GRIN2A: variants seen among roughly 807,000 people sequenced by gnomAD.
GRIN2A encodes the protein glutamate receptor ionotropic, NMDA 2A.
A neutral mutation model predicts 113.4 loss-of-function variants in GRIN2A; 22 were observed. The observed-to-expected ratio is 0.19, with a 90% CI of 0.14 to 0.28. GRIN2A has a LOEUF of 0.28. GRIN2A is among the 10% of genes least tolerant of loss of function. The pLI is 1.00. For synonymous variants in GRIN2A, 827 were observed against 738.4 expected (o/e 1.12, Z -1.94); for missense variants, 1,502 against 1,887.0 (o/e 0.80, Z 3.78).
chr16:9,872,696 C>G (rs1463182330), intron 4 of GRIN2A, among the ~76,000 whole-genome samples: 2 of 151,984 alleles, frequency 1.3e-5, no homozygotes, highest in Non-Finnish European at 2.9e-5. Flanking sequence ...AACTGGAGGC[C>G]ATGATCATAA....
chr16:10,067,056 A>G (rs2047663901), intron 2 of GRIN2A, among the ~76,000 whole-genome samples: 1 of 152,250 alleles, frequency 6.6e-6, no homozygotes, highest in South Asian at 2.1e-4. Flanking sequence ...CCCTACCTCT[A>G]ACTGGATCCC....
chr16:10,087,359 G>A (rs1018598784), intron 2 of GRIN2A, among the ~76,000 whole-genome samples: 8 of 152,234 alleles, frequency 5.3e-5, no homozygotes, highest in African/African-American at 1.9e-4. Context: ...CTGGGAGCCA[G>A]CGGAATGTAA....
At chr16:10,170,110 G>A (rs1475273887) in intron 2 of GRIN2A, among the ~76,000 whole-genome samples, 1 of 152,196 alleles carries the variant, frequency 6.6e-6, no homozygotes, top group African/African-American at 2.4e-5. Flanking sequence ...AATGCATGCT[G>A]TCTAAAGACA....
At position 10,098,092 on chromosome 16, in the gene GRIN2A, GA is replaced by G. The variant is rs558416843; in HGVS notation, c.414+81905del. ...ACAAGGAACTCAAACAAATTAGCAAGAAAAAAAAACAATTAGCAAACAAATT... is the reference window on the plus strand; with the variant it reads ...ACAAGGAACTCAAACAAATTAGCAAGAAAAAAAACAATTAGCAAACAAATT... On this transcript the variant is annotated intron_variant, in intron 2 of 12. Transcript: ENST00000330684. Among the ~76,000 whole-genome samples the G allele has an allele frequency of 6.0e-5, 9 of 150,062 alleles. No homozygotes were observed. The South Asian group carries it at 6.3e-4, about 10-fold the overall frequency.
chr16:9,768,929 G>T lies in GRIN2A; in HGVS notation c.2517C>A (p.His839Gln), dbSNP rs769482103. ...AGAAGCGCAGCTTCCAGTAGAAGAG[G>T]TGCTCCCAGATGAAGGTGATGAGGC... ...ALSLITFIWE[H>Q]LFYWKLRFCF... The change falls in exon 12 of 13, where the codon CAC becomes CAA. Residue 839 changes from histidine to glutamine, a missense_variant. This residue lies in a region of GRIN2A where 101 missense variants were observed against 240.4 expected (regional missense o/e 0.42). Transcript: ENST00000330684. 1.2e-6 allele frequency: 2 copies of T among 1,614,196 alleles called. No homozygotes were observed. Among genetic ancestry groups the T allele is most frequent in the Non-Finnish European group, 1.7e-6 (2 of 1,179,996 alleles).
chr16:10,037,441 G>T (rs187481030), intron 2 of GRIN2A: 2 of 152,170 alleles, frequency 1.3e-5, no homozygotes, highest in Non-Finnish European at 2.9e-5. Flanking sequence ...ACCCTCCACC[G>T]CACCCGACAT....
intron 2 of GRIN2A, among the ~76,000 whole-genome samples, chr16:9,990,472 C>T (rs1444359545): frequency 6.6e-6 from 1 of 151,954 alleles, no homozygotes; most frequent in Non-Finnish European, 1.5e-5. Flanking sequence ...ACATTAGAGG[C>T]TCAAACTTCA....
In GRIN2A at chr16:10,120,701, A is replaced by G. The variant is rs561660825; in HGVS notation, c.414+59297T>C. 4.7e-4 allele frequency among the ~76,000 whole-genome samples: 71 copies of G among 152,284 alleles called. 1 individual carries two copies. Among genetic ancestry groups the G allele is most frequent in the South Asian group, 1.5e-3 (7 of 4,814 alleles). ...ATCTTCTCTCTGGAAGACACCTGCA[A>G]TCTCTTTGTTTCCTTTCTTATATTA... On this transcript the variant is annotated intron_variant, in intron 2 of 12. Coordinates refer to ENST00000330684, the MANE Select transcript of GRIN2A (RefSeq NM_001134407.3).
chr16:10,055,076 AAAAAAAAAAGAAAAAAG>A (rs2047428233), intron 2 of GRIN2A, among the ~76,000 whole-genome samples: 1 of 80,152 alleles, frequency 1.2e-5, no homozygotes, highest in African/African-American at 6.3e-5. Flanking sequence ...AAAAAAAAAA[AAAAAAAAAAGAAAAAAG>A]AAAGAAAGAA....
intron 2 of GRIN2A, among the ~76,000 whole-genome samples, chr16:9,999,618 A>T (rs2046287027): frequency 1.3e-5 from 2 of 152,154 alleles, no homozygotes; most frequent in South Asian, 4.1e-4. Context: ...GAGGGATAGC[A>T]TTAGGAGAAA....
At chr16:9,781,348 C>T (rs548358702) in intron 11 of GRIN2A, among the ~76,000 whole-genome samples, 1 of 152,254 alleles carries the variant, frequency 6.6e-6, no homozygotes. Context: ...ATTACTATTA[C>T]TTTAGATGGA....
At chr16:9,984,074 T>C (rs1015762738) in intron 2 of GRIN2A, among the ~76,000 whole-genome samples, 1 of 152,236 alleles carries the variant, frequency 6.6e-6, no homozygotes, top group Admixed American at 6.5e-5. Flanking sequence ...TTTGTATTTT[T>C]GATAATATCT....
intron 3 of GRIN2A, among the ~76,000 whole-genome samples, chr16:9,930,497 A>G (rs961866794): frequency 1.3e-5 from 2 of 152,136 alleles, no homozygotes; most frequent in African/African-American, 4.8e-5. Flanking sequence ...ATTTACTTTG[A>G]GACTCAGCTG....
intron 2 of GRIN2A, among the ~76,000 whole-genome samples, chr16:10,021,286 T>C (rs1163259655): frequency 6.6e-6 from 1 of 152,174 alleles, no homozygotes; most frequent in Non-Finnish European, 1.5e-5. Context: ...TGAACATCTA[T>C]GTTGTGTCAG....
intron 2 of GRIN2A, among the ~76,000 whole-genome samples, chr16:9,972,350 A>G (rs1245814901): frequency 6.6e-6 from 1 of 152,214 alleles, no homozygotes; most frequent in Non-Finnish European, 1.5e-5. Flanking sequence ...CTTTACATAT[A>G]AGAAGTAGGG....
chr16:9,974,202 T>A (rs2045731139), intron 2 of GRIN2A, among the ~76,000 whole-genome samples: 1 of 152,030 alleles, frequency 6.6e-6, no homozygotes, highest in Non-Finnish European at 1.5e-5. Context: ...GGTTTTATAC[T>A]CAGAAAAAGA....
chr16:10,039,629 T>C (rs1161980676), intron 2 of GRIN2A, among the ~76,000 whole-genome samples: 3 of 151,510 alleles, frequency 2.0e-5, no homozygotes, highest in Non-Finnish European at 4.4e-5. Context: ...GGGGAGGGTC[T>C]GCGCGGGGAG....
intron 10 of GRIN2A, among the ~76,000 whole-genome samples, chr16:9,814,198 A>ACTT (rs1235450110): frequency 6.6e-6 from 1 of 152,188 alleles, no homozygotes; most frequent in Non-Finnish European, 1.5e-5. Context: ...GTAATATCTA[A>ACTT]CTTTAGTTTT....
At chr16:10,002,562 G>C (rs1001375791) in intron 2 of GRIN2A, among the ~76,000 whole-genome samples, 1 of 152,178 alleles carries the variant, frequency 6.6e-6, no homozygotes, top group Non-Finnish European at 1.5e-5. Flanking sequence ...AACTCCATGA[G>C]AGAAGTTGGA....
Sources: gnomAD v4.1 joint callset for allele counts (sites outside exome capture counted in the v4.1 genomes callset) on GRCh38, gnomAD v4.1.1 for gene constraint, gnomAD v4.1.1 regional missense constraint, MANE v1.5 for transcripts, NCBI Gene and HGNC (gene_info 2026-07-23, HGNC 2026-07-21) for gene names.